The following OGG1 variants were observed in gnomAD, a reference collection of about 807,000 sequenced individuals.
The protein encoded by OGG1 is 8-oxoguanine DNA glycosylase.
OGG1 carries 35 observed loss-of-function variants against 42.3 expected under a neutral mutation model. That is an observed-to-expected ratio of 0.83 (90% CI 0.63 to 1.10). The LOEUF (loss-of-function observed/expected upper bound fraction) is 1.10. Among genes scored for constraint, OGG1 ranks in the 50% least tolerant of loss-of-function variants. The pLI is 0.00. For missense variants in OGG1, 484 were observed against 446.7 expected (o/e 1.08, Z -0.75); for synonymous variants, 189 against 179.0 (o/e 1.06, Z -0.44).
At chr3:9,761,382 G>C, downstream of OGG1, 2 of 1,436,474 alleles carry the variant, frequency 1.4e-6, no homozygotes, top group South Asian at 2.6e-5. Context: ...GGCAGAGGGA[G>C]AGCAGAGGAA....
chr3:9,768,981 C>T (rs1299906310), downstream of OGG1, among the ~76,000 whole-genome samples: 1 of 152,050 alleles, frequency 6.6e-6, no homozygotes, highest in Non-Finnish European at 1.5e-5. Flanking sequence ...ACACACATCC[C>T]TGTAGCAGAC....
At chr3:9,750,910 T>C (rs1415354952) in intron 1 of OGG1, 35 bp from the exon 2 acceptor site, 1 of 1,613,116 alleles carries the variant, frequency 6.2e-7, no homozygotes, top group South Asian at 1.1e-5. Context: ...AGAAAGGAAA[T>C]TGAGTGCCAG....
chr3:9,784,202 G>C, intron 3 of OGG1: 2 of 1,612,854 alleles, frequency 1.2e-6, no homozygotes, highest in South Asian at 1.1e-5. Flanking sequence ...CAGGGACTTA[G>C]TATGCGGCAC....
rs78392312 is a variant in OGG1, at chr3:9,777,000, A to G, written c.295-4513A>G. ...AGAAATAAATTTACTCCCCGACCAC[A>G]TTTCCACAAAGCTCCTGCCATCACT... On this transcript the variant is annotated intron_variant, in intron 2 of 3. Transcript: ENST00000426518. 3.3e-5 allele frequency among the ~76,000 whole-genome samples: 5 copies of G among 152,264 alleles called. No individual in the cohort carries two copies. In the East Asian group the frequency reaches 9.7e-4, roughly 29 times the overall value.
chr3:9,773,369 A>G (rs944680489), intron 2 of OGG1, among the ~76,000 whole-genome samples: 5 of 151,820 alleles, frequency 3.3e-5, no homozygotes, highest in South Asian at 4.2e-4. Flanking sequence ...TATCTTTTGT[A>G]TTTCTACTAA....
At chr3:9,772,414 G>C (rs558345174) in intron 2 of OGG1, among the ~76,000 whole-genome samples, 1 of 152,320 alleles carries the variant, frequency 6.6e-6, no homozygotes, top group East Asian at 1.9e-4. Flanking sequence ...AAACACCAGA[G>C]ATTAGGGGCT....
chr3:9,761,889 G>A, downstream of OGG1: 1 of 1,393,144 alleles, frequency 7.2e-7, no homozygotes, highest in Non-Finnish European at 9.5e-7. Context: ...GCTGTCATAA[G>A]AAAATCAAGG....
chr3:9,781,832 T>A (rs908601344), intron 3 of OGG1, among the ~76,000 whole-genome samples: 1 of 134,446 alleles, frequency 7.4e-6, no homozygotes, highest in Admixed American at 8.3e-5. Flanking sequence ...GCCCATTACT[T>A]CTTTTTTTTT....
downstream of OGG1, chr3:9,767,886 A>T (rs2078198955): frequency 3.6e-6 from 5 of 1,387,968 alleles, no homozygotes; most frequent in South Asian, 6.2e-5. Context: ...TTCATCCTTG[A>T]TTCATCCATT....
chr3:9,773,733 C>A (rs999946327), intron 2 of OGG1, among the ~76,000 whole-genome samples: 17 of 151,708 alleles, frequency 1.1e-4, no homozygotes, highest in African/African-American at 4.1e-4. Flanking sequence ...CACTCTGTCA[C>A]CCAGGCTGTG....
chr3:9,757,539 C>T, downstream of OGG1: 2 of 1,613,058 alleles, frequency 1.2e-6, no homozygotes, highest in Non-Finnish European at 1.7e-6. This position sits in a 1 kb window ranked among gnomAD's most constrained non-coding sequence, Gnocchi z 4.5. Context: ...GTCCAGGGCC[C>T]TAGAGCTGGT....
intron 3 of OGG1, chr3:9,787,467 T>C: frequency 1.5e-6 from 2 of 1,348,192 alleles, no homozygotes; most frequent in Non-Finnish European, 2.0e-6. Flanking sequence ...CAGTGTCAGG[T>C]GTAGGTAAGA....
At chr3:9,751,642 A>C in intron 2 of OGG1, 128 bp from the exon 3 acceptor site, 1 of 871,162 alleles carries the variant, frequency 1.1e-6, no homozygotes, top group East Asian at 2.4e-5. Context: ...TGCTTTCTCT[A>C]ACGGTGCTGA....
At chr3:9,763,129 G>A (rs1202297475) in intron 7 of OGG1, 1 of 1,613,978 alleles carries the variant, frequency 6.2e-7, no homozygotes, top group African/African-American at 1.3e-5. Context: ...GCAGAGGTTG[G>A]GCCACTCACA....
At chr3:9,773,000 G>A (rs533535635) in intron 2 of OGG1, among the ~76,000 whole-genome samples, 1 of 152,208 alleles carries the variant, frequency 6.6e-6, no homozygotes, top group East Asian at 1.9e-4. Flanking sequence ...AGGCCAAGGT[G>A]GGCAGATCAT....
intron 3 of OGG1, among the ~76,000 whole-genome samples, chr3:9,784,455 A>G (rs2078557040): frequency 6.6e-6 from 1 of 152,070 alleles, no homozygotes; most frequent in Admixed American, 6.5e-5. Context: ...CCCAGAGAGA[A>G]TTACTATTAT....
chr3:9,769,992 C>G (rs1291245629), downstream of OGG1: 1 of 152,352 alleles, frequency 6.6e-6, no homozygotes, highest in Non-Finnish European at 1.5e-5. Context: ...GCCTGCGGCT[C>G]TGATGTCAGT....
downstream of OGG1, chr3:9,761,195 T>G: frequency 2.4e-6 from 1 of 425,072 alleles, no homozygotes; most frequent in Non-Finnish European, 4.2e-6. Context: ...GTTGATTGTC[T>G]GTCTTCCCTA....
intron 2 of OGG1, among the ~76,000 whole-genome samples, chr3:9,774,694 A>C (rs2078343607): frequency 6.6e-6 from 1 of 152,222 alleles, no homozygotes. Flanking sequence ...AAAGTACAAA[A>C]TAGAAGGTCA....
Sources: gnomAD v4.1 joint callset for allele counts (sites outside exome capture counted in the v4.1 genomes callset) on GRCh38, gnomAD v4.1.1 for gene constraint, Gnocchi (gnomAD v3.1) non-coding constraint, MANE v1.5 for transcripts, NCBI Gene and HGNC (gene_info 2026-07-23, HGNC 2026-07-21) for gene names.